Variants in HACE1 observed in about 807,000 individuals in gnomAD.
HACE1 encodes E3 ubiquitin-protein ligase HACE1.
A neutral mutation model predicts 118.4 loss-of-function variants in HACE1; 73 were observed. That is an observed-to-expected ratio of 0.62 (90% CI 0.51 to 0.75). The LOEUF (loss-of-function observed/expected upper bound fraction) is 0.75, where lower values mean the gene tolerates loss of function less well. Among genes scored for constraint, HACE1 ranks in the 30% least tolerant of loss-of-function variants. The pLI is 0.00. For synonymous variants in HACE1, 368 were observed against 374.8 expected (o/e 0.98, Z 0.21); for missense variants, 749 against 1,102.2 (o/e 0.68, Z 4.54).
intron 1 of HACE1, among the ~76,000 whole-genome samples, chr6:104,857,256 G>A (rs1366673930): frequency 6.7e-6 from 1 of 149,880 alleles, no homozygotes; most frequent in Non-Finnish European, 1.5e-5. Context: ...GCCAAGCTCA[G>A]AGAATTCAAA....
intron 4 of HACE1, 96 bp from the exon 5 acceptor site, chr6:104,843,394 T>G: frequency 1.3e-6 from 1 of 750,750 alleles, no homozygotes; most frequent in Non-Finnish European, 2.4e-6. Context: ...CAATAACAGC[T>G]GATGACATCA....
At chr6:104,820,194 CAAAAAA>C (rs60172674) in intron 6 of HACE1, among the ~76,000 whole-genome samples, 20 of 58,856 alleles carry the variant, frequency 3.4e-4, no homozygotes, top group Admixed American at 6.5e-4. Context: ...GACTCCGTCT[CAAAAAA>C]AAAAAAAAAA....
At chr6:104,772,899 G>A (rs1385453097) in intron 17 of HACE1, among the ~76,000 whole-genome samples, 1 of 151,976 alleles carries the variant, frequency 6.6e-6, no homozygotes, top group Admixed American at 6.6e-5. Flanking sequence ...ATTTCTGCTT[G>A]GGGTGATGAA....
At chr6:104,758,267 A>G (rs1346882297) in intron 19 of HACE1, among the ~76,000 whole-genome samples, 1 of 151,158 alleles carries the variant, frequency 6.6e-6, no homozygotes, top group Non-Finnish European at 1.5e-5. Context: ...CAAGGTTGAA[A>G]TGAAGGAAAA....
At chr6:104,743,919 C>A (rs989949502) in intron 22 of HACE1, among the ~76,000 whole-genome samples, 1 of 151,962 alleles carries the variant, frequency 6.6e-6, no homozygotes. Context: ...TTATAAAGTA[C>A]AATATACTGA....
intron 17 of HACE1, among the ~76,000 whole-genome samples, 153 bp from the exon 18 acceptor site, chr6:104,772,227 A>G (rs1332642585): frequency 6.6e-6 from 1 of 152,246 alleles, no homozygotes; most frequent in Admixed American, 6.5e-5. Context: ...TGTGGAAAAT[A>G]TAACAAGTGG....
At chr6:104,835,522 A>G (rs1774442686) in intron 5 of HACE1, among the ~76,000 whole-genome samples, 1 of 152,142 alleles carries the variant, frequency 6.6e-6, no homozygotes, top group African/African-American at 2.4e-5. Context: ...ATATTGAGGA[A>G]GTCTCCCTAA....
intron 5 of HACE1, among the ~76,000 whole-genome samples, chr6:104,834,455 TA>T (rs1774327140): frequency 6.6e-6 from 1 of 152,210 alleles, no homozygotes; most frequent in Non-Finnish European, 1.5e-5. Flanking sequence ...TAATCAATGT[TA>T]AAACTCTGGA....
intron 7 of HACE1, among the ~76,000 whole-genome samples, chr6:104,808,055 G>A (rs1322884012): frequency 2.6e-5 from 4 of 152,006 alleles, no homozygotes; most frequent in East Asian, 1.9e-4. Flanking sequence ...GTGTGGTGGC[G>A]CATGCCTGTA....
intron 19 of HACE1, among the ~76,000 whole-genome samples, chr6:104,760,101 C>T (rs35534722): frequency 0.17 from 26,400 of 152,080 alleles, 2,452 homozygotes; most frequent in African/African-American, 0.24. Context: ...GGATTCACAG[C>T]CAAATTCTAC....
chr6:104,778,921 T>C (rs1781476630), intron 14 of HACE1, among the ~76,000 whole-genome samples: 1 of 152,150 alleles, frequency 6.6e-6, no homozygotes, highest in Non-Finnish European at 1.5e-5. Flanking sequence ...TAGAAGGTAC[T>C]GGTGGAAATA....
chr6:104,800,539 T>G (rs1469111566), intron 7 of HACE1, among the ~76,000 whole-genome samples: 1 of 152,146 alleles, frequency 6.6e-6, no homozygotes, highest in African/African-American at 2.4e-5. Context: ...CAGCAATATT[T>G]GCTGTTCTGC....
intron 6 of HACE1, among the ~76,000 whole-genome samples, chr6:104,825,331 G>C (rs1219836943): frequency 6.6e-6 from 1 of 152,156 alleles, no homozygotes; most frequent in African/African-American, 2.4e-5. Flanking sequence ...GAAATTGAAA[G>C]TACCACTGAT....
chr6:104,843,108 C>G (rs2115166619), intron 5 of HACE1, 115 bp downstream of exon 5: 2 of 734,542 alleles, frequency 2.7e-6, no homozygotes, highest in Non-Finnish European at 5.0e-6. Context: ...GAGACTCTGT[C>G]TCAAAAAAAA....
intron 4 of HACE1, among the ~76,000 whole-genome samples, chr6:104,843,576 G>A (rs919160228): frequency 6.6e-6 from 1 of 152,126 alleles, no homozygotes; most frequent in Non-Finnish European, 1.5e-5. Flanking sequence ...GAAGTTTCTA[G>A]TATTGACTAA....
chr6:104,772,415 A>G (rs191102440), intron 17 of HACE1, among the ~76,000 whole-genome samples: 38 of 152,302 alleles, frequency 2.5e-4, no homozygotes, highest in Admixed American at 2.2e-3. Context: ...ACACACACAC[A>G]CGCACATATA....
At chr6:104,858,829 T>TATTTTCTC (rs1485564891) in intron 1 of HACE1, among the ~76,000 whole-genome samples, 1 of 152,174 alleles carries the variant, frequency 6.6e-6, no homozygotes, top group Non-Finnish European at 1.5e-5. Context: ...CAAAACTGCT[T>TATTTTCTC]ATTTTCTCTC....
At chr6:104,780,460 G>C (rs1466333252) in intron 14 of HACE1, 1 of 356,134 alleles carries the variant, frequency 2.8e-6, no homozygotes, top group African/African-American at 2.2e-5. Context: ...CTGGCCACCT[G>C]AAAACCACCA....
chr6:104,837,000 T>G (rs1040169130), intron 5 of HACE1, among the ~76,000 whole-genome samples: 3 of 152,154 alleles, frequency 2.0e-5, no homozygotes, highest in Non-Finnish European at 2.9e-5. Flanking sequence ...ATCAAAGACC[T>G]AAGTAAGTGT....
Sources: gnomAD v4.1 joint callset for allele counts (sites outside exome capture counted in the v4.1 genomes callset) on GRCh38, gnomAD v4.1.1 for gene constraint, MANE v1.5 for transcripts, NCBI Gene and HGNC (gene_info 2026-07-23, HGNC 2026-07-21) for gene names.